Variants in BMPR1A observed in about 807,000 individuals in gnomAD.
BMPR1A encodes the protein bone morphogenetic protein receptor type 1A.
Under a neutral mutation model 66.0 loss-of-function variants are expected in BMPR1A, and 7 were observed. That is an observed-to-expected ratio of 0.11 (90% CI 0.06 to 0.20). The LOEUF (loss-of-function observed/expected upper bound fraction) is 0.20, where lower values mean the gene tolerates loss of function less well. BMPR1A is among the 10% of genes least tolerant of loss of function. The pLI is 1.00. For missense variants in BMPR1A, 408 were observed against 669.1 expected (o/e 0.61, Z 4.31); for synonymous variants, 200 against 229.7 (o/e 0.87, Z 1.17).
chr10:86,889,368 T>G (rs1231043703), intron 3 of BMPR1A, among the ~76,000 whole-genome samples: 2 of 152,222 alleles, frequency 1.3e-5, no homozygotes, highest in African/African-American at 4.8e-5. Flanking sequence ...ATTTCCTTAC[T>G]TAAGCAATTA....
chr10:86,807,771 T>G (rs897763560), intron 1 of BMPR1A, among the ~76,000 whole-genome samples: 1 of 151,926 alleles, frequency 6.6e-6, no homozygotes, highest in East Asian at 1.9e-4. Context: ...ATAGTTGTGG[T>G]TTTTTTTCCT....
Position 86,855,376 on chromosome 10 carries a change from G to T in BMPR1A, c.-153+16397G>T. 3 of 859,192 alleles carry T rather than the reference G, an allele frequency of 3.5e-6. No homozygotes were observed. The South Asian group carries it at 5.6e-5, about 16-fold the overall frequency. The allele number at this position is 859,192 out of a possible 1,614,324, so 53.2% of individuals were successfully genotyped here. Reference sequence around the variant, plus strand: ...ACACACCTGCACTGAACTAGACACTGACTTAGAAACTTGGTTTGATTTGGC... The same window carrying T: ...ACACACCTGCACTGAACTAGACACTTACTTAGAAACTTGGTTTGATTTGGC... On this transcript the variant is annotated intron_variant, in intron 2 of 12. Transcript: ENST00000372037.
chr10:86,882,676 A>G (rs1843005237), intron 3 of BMPR1A, among the ~76,000 whole-genome samples: 1 of 151,378 alleles, frequency 6.6e-6, no homozygotes, highest in African/African-American at 2.4e-5. Flanking sequence ...AAAAAAAAAA[A>G]AGACCCAACA....
intron 1 of BMPR1A, among the ~76,000 whole-genome samples, chr10:86,815,591 C>T (rs115069517): frequency 0.023 from 3,461 of 152,260 alleles, 139 homozygotes; most frequent in African/African-American, 0.08. Flanking sequence ...TCTCTCAAGG[C>T]TGGAGATTTG....
intron 8 of BMPR1A, among the ~76,000 whole-genome samples, chr10:86,914,040 A>G (rs894709982): frequency 2.6e-5 from 4 of 152,168 alleles, no homozygotes; most frequent in African/African-American, 7.2e-5. Context: ...TGGTACTGGC[A>G]TAAGGATAGA....
intron 1 of BMPR1A, among the ~76,000 whole-genome samples, chr10:86,814,483 C>T (rs1336251467): frequency 2.6e-5 from 4 of 152,012 alleles, no homozygotes; most frequent in Admixed American, 2.0e-4. Context: ...TTCAATTTCT[C>T]GAAGGCATTA....
chr10:86,826,919 T>A (rs1282212269), intron 1 of BMPR1A, among the ~76,000 whole-genome samples: 13 of 150,098 alleles, frequency 8.7e-5, no homozygotes, highest in South Asian at 2.1e-4. Context: ...AAATTTTTTT[T>A]AAATTGTTAA....
chr10:86,834,687 C>T (rs918966668), intron 1 of BMPR1A, among the ~76,000 whole-genome samples: 2 of 152,124 alleles, frequency 1.3e-5, no homozygotes, highest in Non-Finnish European at 2.9e-5. Flanking sequence ...TATAGGGGTG[C>T]ATGGTATACT....
At chr10:86,904,241 G>A (rs1225707510) in intron 7 of BMPR1A, among the ~76,000 whole-genome samples, 2 of 152,158 alleles carry the variant, frequency 1.3e-5, no homozygotes. Context: ...CCAGATATCT[G>A]AAAGCTCAGC....
intron 2 of BMPR1A, among the ~76,000 whole-genome samples, chr10:86,870,514 C>T (rs1171860564): frequency 6.6e-6 from 1 of 152,168 alleles, no homozygotes; most frequent in Non-Finnish European, 1.5e-5. Flanking sequence ...CCTTGAACTC[C>T]TGGGCTGAAG....
intron 1 of BMPR1A, among the ~76,000 whole-genome samples, chr10:86,766,553 A>G (rs1181577274): frequency 6.6e-6 from 1 of 151,688 alleles, no homozygotes; most frequent in Non-Finnish European, 1.5e-5. Flanking sequence ...AATCTTCGTA[A>G]CCATTCATAT....
intron 1 of BMPR1A, among the ~76,000 whole-genome samples, chr10:86,780,326 T>A (rs1199479037): frequency 6.6e-6 from 1 of 152,244 alleles, no homozygotes; most frequent in African/African-American, 2.4e-5. Flanking sequence ...CCCATTTGTT[T>A]ATTTTTGCTT....
At chr10:86,814,439 G>A (rs572628066) in intron 1 of BMPR1A, among the ~76,000 whole-genome samples, 2 of 151,962 alleles carry the variant, frequency 1.3e-5, no homozygotes, top group African/African-American at 2.4e-5. Context: ...TCATCATTTC[G>A]TTTTTGGTTT....
intron 1 of BMPR1A, among the ~76,000 whole-genome samples, chr10:86,776,568 C>T (rs1841350883): frequency 6.6e-6 from 1 of 152,180 alleles, no homozygotes; most frequent in African/African-American, 2.4e-5. Context: ...GTGGAATTTT[C>T]TGTTGCAGAC....
At chr10:86,807,729 C>T (rs138643079) in intron 1 of BMPR1A, among the ~76,000 whole-genome samples, 32 of 152,176 alleles carry the variant, frequency 2.1e-4, no homozygotes, top group East Asian at 1.4e-3. Context: ...ACAGTGCATA[C>T]GCTTCTGTAA....
intron 7 of BMPR1A, among the ~76,000 whole-genome samples, chr10:86,911,096 A>G (rs1843474809): frequency 6.8e-6 from 1 of 147,704 alleles, no homozygotes; most frequent in Non-Finnish European, 1.5e-5. Flanking sequence ...TTGAAGCTTC[A>G]GTGAGCTGAG....
At position 86,887,245 on chromosome 10, in the gene BMPR1A, C is replaced by T. The variant is rs1843079045; in HGVS notation, c.68-2817C>T. Among the ~76,000 whole-genome samples the T allele has an allele frequency of 1.3e-5, 2 of 152,254 alleles. 1 individual carries two copies. The highest frequency in any genetic ancestry group is 4.1e-4 in the South Asian group (2 of 4,820). ...ATGTGGTTTTGATGCCACATCTTTG[C>T]GTTTCTAGCATTTAATACCTTGCCT... is the stretch of plus-strand genomic sequence containing the variant. On this transcript the variant is annotated intron_variant, in intron 3 of 12. Coordinates refer to ENST00000372037, the MANE Select transcript of BMPR1A (RefSeq NM_004329.3).
At position 86,925,643 on chromosome 10, in the gene BMPR1A, T is replaced by C. The variant is rs1438455087; in HGVS notation, c.*1924T>C. 1.0e-5 allele frequency: 2 copies of C among 194,830 alleles called. No individual in the cohort carries two copies. The highest frequency in any genetic ancestry group is 1.9e-4 in the South Asian group (1 of 5,172). 12.1% of individuals were successfully genotyped at this position (194,830 alleles called of 1,614,324 possible). On this transcript the variant is annotated 3_prime_UTR_variant, in exon 13 of 13. Transcript: ENST00000372037. ...AATCTGCGTTGCCGTATGATATGAT[T>C]GCACTTAGAACACCCAATTTACTTA...
At chr10:86,900,177 CA>C (rs1371163290) in intron 7 of BMPR1A, 51 bp downstream of exon 7, 1 of 1,562,156 alleles carries the variant, frequency 6.4e-7, no homozygotes, top group African/African-American at 1.4e-5. Flanking sequence ...TATTAGATGT[CA>C]ACCGCTGTTT....
Sources: allele counts gnomAD v4.1 joint callset (sites outside exome capture counted in the v4.1 genomes callset), GRCh38; gene constraint gnomAD v4.1.1; transcripts MANE v1.5; gene names NCBI Gene and HGNC (gene_info 2026-07-23, HGNC 2026-07-21).